Variants in FRAS1 observed in about 807,000 individuals in gnomAD.
FRAS1 encodes extracellular matrix organizing protein FRAS1.
A neutral mutation model predicts 435.2 loss-of-function variants in FRAS1; 290 were observed. The ratio of observed to expected loss-of-function variants is 0.67; its 90% CI spans 0.61 to 0.73. FRAS1 has a LOEUF of 0.73. Ranked by LOEUF, FRAS1 falls within the 30% of genes least tolerant of loss-of-function variation. The pLI is 0.00. For synonymous variants in FRAS1, 1,800 were observed against 1,851.0 expected (o/e 0.97, Z 0.71); for missense variants, 4,860 against 5,001.5 (o/e 0.97, Z 0.85).
chr4:78,430,211 C>T, intron 36 of FRAS1, 81 bp from the exon 37 acceptor site: 1 of 1,557,590 alleles, frequency 6.4e-7, no homozygotes, highest in Non-Finnish European at 8.8e-7. Flanking sequence ...GACTCCTAGC[C>T]TGGCCTGCGG....
At chr4:78,293,382 T>C (rs1418975723) in intron 14 of FRAS1, among the ~76,000 whole-genome samples, 1 of 152,158 alleles carries the variant, frequency 6.6e-6, no homozygotes, top group Non-Finnish European at 1.5e-5. Context: ...TCAACAGAAA[T>C]GTACAGGCAT....
At chr4:78,267,198 C>T (rs377430633) in intron 8 of FRAS1, 43 bp from the exon 9 acceptor site, 49 of 1,584,542 alleles carry the variant, frequency 3.1e-5, no homozygotes, top group Non-Finnish European at 3.6e-5. Context: ...GGTGTTTCAC[C>T]GTCTCCTGAG....
At position 78,115,470 on chromosome 4, in the gene FRAS1, T is replaced by G. The variant is rs578238558; in HGVS notation, c.108+49454T>G. 1.2e-3 allele frequency among the ~76,000 whole-genome samples: 187 copies of G among 152,304 alleles called. 1 individual carries two copies. Among genetic ancestry groups the G allele is most frequent in the African/African-American group, 4.3e-3 (178 of 41,558 alleles). ...AATCCATCTTGTCCTGGACTTTTTT[T>G]GGTTGGTAAGCTATTAATTATTGCC... On this transcript the variant is annotated intron_variant, in intron 2 of 73. Transcript: ENST00000512123.
chr4:78,188,737 C>T (rs181113129), intron 2 of FRAS1, among the ~76,000 whole-genome samples: 23 of 152,230 alleles, frequency 1.5e-4, no homozygotes, highest in Admixed American at 7.2e-4. Flanking sequence ...ACATTGAGCT[C>T]CAGATTTTAT....
chr4:78,182,255 T>G lies in FRAS1; in HGVS notation c.109-55255T>G, dbSNP rs112515558. Among the ~76,000 whole-genome samples, 504 of 152,122 alleles carry G rather than the reference T, an allele frequency of 3.3e-3. 4 individuals are homozygous for G. The highest frequency in any genetic ancestry group is 0.012 in the African/African-American group (488 of 41,492). ...TGAAAGTATAGAACAGGGGCAACCG[T>G]GTTGTGGTTATATGATGTACCATGT... is the stretch of plus-strand genomic sequence containing the variant. On this transcript the variant is annotated intron_variant, in intron 2 of 73. Transcript: ENST00000512123.
intron 70 of FRAS1, 135 bp from the exon 71 acceptor site, chr4:78,534,314 T>C: frequency 1.6e-6 from 1 of 638,300 alleles, no homozygotes; most frequent in Non-Finnish European, 2.7e-6. Context: ...CATCCCTTTA[T>C]TCAGTGAATA....
intron 12 of FRAS1, among the ~76,000 whole-genome samples, chr4:78,283,612 ATAAT>A (rs1352729741): frequency 6.6e-6 from 1 of 152,150 alleles, no homozygotes; most frequent in Non-Finnish European, 1.5e-5. Context: ...TTCATATTTC[ATAAT>A]TAATTGTTTT....
chr4:78,497,087 AT>A, intron 60 of FRAS1, 126 bp downstream of exon 60: 1 of 749,594 alleles, frequency 1.3e-6, no homozygotes, highest in Non-Finnish European at 2.1e-6. Flanking sequence ...TTCTCTGAAT[AT>A]TTATATAAAA....
At chr4:78,193,811 A>G (rs1430220459) in intron 2 of FRAS1, among the ~76,000 whole-genome samples, 6 of 152,150 alleles carry the variant, frequency 3.9e-5, no homozygotes, top group Non-Finnish European at 7.3e-5. Flanking sequence ...TGATCCTGTC[A>G]TTATGATGTT....
At chr4:78,324,469 C>T (rs887806027) in intron 18 of FRAS1, among the ~76,000 whole-genome samples, 2 of 151,758 alleles carry the variant, frequency 1.3e-5, no homozygotes, top group Admixed American at 1.3e-4. Context: ...CACACACACA[C>T]GAACACACAT....
intron 14 of FRAS1, among the ~76,000 whole-genome samples, chr4:78,297,967 G>A: frequency 7.1e-6 from 1 of 141,170 alleles, no homozygotes; most frequent in African/African-American, 2.7e-5. Context: ...AGGGAAAATG[G>A]GTAACTATAT....
At chr4:78,449,226 C>G (rs1220898937) in intron 44 of FRAS1, among the ~76,000 whole-genome samples, 1 of 152,184 alleles carries the variant, frequency 6.6e-6, no homozygotes, top group African/African-American at 2.4e-5. Flanking sequence ...ATCCCAGTCC[C>G]ATAGGGGTGA....
Position 78,505,460 on chromosome 4 carries a change from G to A in FRAS1, c.9317-1961G>A, listed in dbSNP as rs138112081. On this transcript the variant is annotated intron_variant, in intron 61 of 73. Coordinates refer to ENST00000512123, the MANE Select transcript of FRAS1 (RefSeq NM_025074.7). ...TTTTTTTCTCTAAACTTCTCTTCTC[G>A]CTTTATTTCATTAATTTGATCTTCA... Among the ~76,000 whole-genome samples the A allele has an allele frequency of 8.1e-3, 1,235 of 151,720 alleles. 15 individuals carry two copies. Among genetic ancestry groups the A allele is most frequent in the African/African-American group, 0.028 (1,178 of 41,352 alleles).
intron 2 of FRAS1, among the ~76,000 whole-genome samples, chr4:78,122,598 G>T (rs1719093163): frequency 6.6e-6 from 1 of 152,170 alleles, no homozygotes; most frequent in South Asian, 2.1e-4. Flanking sequence ...CACCAAGAGT[G>T]TAAAAGCATT....
Position 78,057,948 on chromosome 4 carries a change from T to G in FRAS1, c.-62T>G, listed in dbSNP as rs913695615. 1.9e-6 allele frequency: 3 copies of G among 1,541,510 alleles called. No homozygotes were observed. Among genetic ancestry groups the G allele is most frequent in the South Asian group, 1.1e-5 (1 of 88,642 alleles). ...GTTCCAAGCGCCGGAGCCAGCGTTT[T>G]GGCGGAGCCGCTTCTTGGATGCTGA... On this transcript the variant is annotated 5_prime_UTR_variant, in exon 1 of 74. Transcript: ENST00000512123. The surrounding 1 kb of genome is among the most constrained non-coding windows in gnomAD (Gnocchi z 4.2).
At position 78,464,554 on chromosome 4, in the gene FRAS1, G is replaced by A; in HGVS notation, c.7000G>A (p.Glu2334Lys). The A allele has an allele frequency of 6.2e-7, 1 of 1,613,916 alleles. No homozygotes were observed. Among genetic ancestry groups the A allele is most frequent in the Non-Finnish European group, 8.5e-7 (1 of 1,179,854 alleles). The stretch of plus-strand genomic sequence containing the variant: ...CATGAGGAAGACCATCACAGAGTTT[G>A]AGCTTAAGGCGGTGGATGCTGACAC... ...EGMRKTITEF[E>K]LKAVDADTEA... Residue 2334 changes from glutamate (E) to lysine (K), a missense_variant, in exon 49 of 74, where the codon GAG becomes AAG. Coordinates refer to ENST00000512123, the MANE Select transcript of FRAS1 (RefSeq NM_025074.7).
At chr4:78,284,282 A>G (rs1293972408) in intron 12 of FRAS1, 123 bp from the exon 13 acceptor site, 2 of 511,470 alleles carry the variant, frequency 3.9e-6, no homozygotes, top group Non-Finnish European at 6.1e-6. Flanking sequence ...CCTAAGTCCC[A>G]CAGTTTTCTG....
rs376342064 is a variant in FRAS1 at position 78,252,114 on chromosome 4, T to A, written c.310-278T>A. On this transcript the variant is annotated intron_variant, in intron 4 of 73. Coordinates refer to ENST00000512123, the MANE Select transcript of FRAS1 (RefSeq NM_025074.7). The stretch of plus-strand genomic sequence containing the variant: ...TGTTTTAAATGGTAGGAGATTAGGT[T>A]ATTTTTATTTTCTTTTTGTATTTTG... Among the ~76,000 whole-genome samples the A allele has an allele frequency of 1.9e-4, 29 of 152,342 alleles. 1 individual carries two copies. The highest frequency in any genetic ancestry group is 6.5e-4 in the African/African-American group (27 of 41,574).
intron 2 of FRAS1, among the ~76,000 whole-genome samples, chr4:78,090,326 T>G (rs996017368): frequency 2.0e-5 from 3 of 152,224 alleles, no homozygotes; most frequent in Non-Finnish European, 4.4e-5. Flanking sequence ...AGCTATATGC[T>G]AATGCAGAAA....
Sources: allele counts gnomAD v4.1 joint callset (sites outside exome capture counted in the v4.1 genomes callset), GRCh38; gene constraint gnomAD v4.1.1; non-coding constraint Gnocchi (gnomAD v3.1); transcripts MANE v1.5; gene names NCBI Gene and HGNC (gene_info 2026-07-23, HGNC 2026-07-21).